Variants in DCT observed in about 807,000 individuals in gnomAD.
DCT encodes dopachrome tautomerase.
DCT carries 47 observed loss-of-function variants against 53.0 expected under a neutral mutation model. The observed-to-expected ratio is 0.89, with a 90% CI of 0.70 to 1.13. The LOEUF is 1.13. DCT is among the 50% of genes most tolerant of loss of function. The probability of loss-of-function intolerance (pLI) is 0.00; values close to 1 mark genes in which losing one functional copy is unlikely to be tolerated. For missense variants in DCT, 669 were observed against 637.4 expected, an observed-to-expected ratio of 1.05 and a Z score of -0.53; for synonymous variants, 244 against 237.0, an observed-to-expected ratio of 1.03 and a Z score of -0.27.
intron 6 of DCT, among the ~76,000 whole-genome samples, chr13:94,453,601 A>G (rs2139305030): frequency 6.6e-6 from 1 of 152,272 alleles, no homozygotes; most frequent in East Asian, 1.9e-4. Context: ...TCCCACCCAA[A>G]TCTCATCTTG....
the DCT span, among the ~76,000 whole-genome samples, chr13:94,548,183 A>G: frequency 6.6e-6 from 1 of 151,958 alleles, no homozygotes; most frequent in Non-Finnish European, 1.5e-5. Flanking sequence ...TCTAACAGAC[A>G]TAGCTTATGC....
At chr13:94,521,142 T>C in the DCT span, among the ~76,000 whole-genome samples, 1 of 152,178 alleles carries the variant, frequency 6.6e-6, no homozygotes, top group Non-Finnish European at 1.5e-5. Flanking sequence ...CTTGGCAACT[T>C]ACTAGTTGTG....
At chr13:94,461,973 C>T (rs1883820516) in intron 5 of DCT, 37 bp downstream of exon 5, 2 of 1,580,158 alleles carry the variant, frequency 1.3e-6, no homozygotes, top group Non-Finnish European at 1.7e-6. Flanking sequence ...AAAACCTGTA[C>T]TGTACAGGCA....
chr13:94,533,981 T>C, the DCT span, among the ~76,000 whole-genome samples: 1 of 152,076 alleles, frequency 6.6e-6, no homozygotes, highest in East Asian at 1.9e-4. Context: ...ACACTTTGAG[T>C]GTAGGTTGAC....
the DCT span, among the ~76,000 whole-genome samples, chr13:94,529,719 C>T: frequency 6.6e-6 from 1 of 152,254 alleles, no homozygotes; most frequent in African/African-American, 2.4e-5. Flanking sequence ...CCTAACATCA[C>T]AATTAAAAGA....
the DCT span, among the ~76,000 whole-genome samples, chr13:94,523,552 A>G: frequency 1.3e-5 from 2 of 152,216 alleles, no homozygotes; most frequent in South Asian, 4.2e-4. Flanking sequence ...GGATTAGTCA[A>G]TCTCTTTCTT....
chr13:94,514,299 G>A, the DCT span, among the ~76,000 whole-genome samples: 1 of 137,376 alleles, frequency 7.3e-6, no homozygotes, highest in Non-Finnish European at 1.6e-5. Context: ...AAGGGGAGGT[G>A]GCCAAACCAC....
chr13:94,465,360 G>A (rs551548262), intron 4 of DCT: 6 of 228,500 alleles, frequency 2.6e-5, no homozygotes, highest in African/African-American at 6.8e-5. Context: ...GGCAAAAACC[G>A]CAATTACATT....
At chr13:94,498,330 C>G in the DCT span, among the ~76,000 whole-genome samples, 2 of 152,206 alleles carry the variant, frequency 1.3e-5, no homozygotes, top group African/African-American at 4.8e-5. Context: ...AGCAGAAAAT[C>G]TTTAGGAGCT....
upstream of DCT, among the ~76,000 whole-genome samples, chr13:94,481,958 G>A (rs1010316000): frequency 6.6e-6 from 1 of 152,210 alleles, no homozygotes; most frequent in Non-Finnish European, 1.5e-5. Context: ...GCTACTCAAA[G>A]TGTGGCCAAC....
intron 1 of DCT, among the ~76,000 whole-genome samples, chr13:94,474,317 C>T (rs1884940395): frequency 6.6e-6 from 1 of 152,158 alleles, no homozygotes; most frequent in African/African-American, 2.4e-5. Context: ...ATCAGCTCAA[C>T]CTCAGAAAGC....
the DCT span, among the ~76,000 whole-genome samples, chr13:94,531,328 G>T: frequency 3.5e-4 from 54 of 152,276 alleles, no homozygotes; most frequent in African/African-American, 1.3e-3. Context: ...AGCCCACAAT[G>T]CCAAGACAAT....
At chr13:94,507,909 C>T in the DCT span, among the ~76,000 whole-genome samples, 1 of 152,190 alleles carries the variant, frequency 6.6e-6, no homozygotes, top group Non-Finnish European at 1.5e-5. Context: ...CTCTATCCTT[C>T]ACTTCATTCA....
the DCT span, among the ~76,000 whole-genome samples, chr13:94,527,276 T>A: frequency 6.6e-6 from 1 of 152,198 alleles, no homozygotes; most frequent in Non-Finnish European, 1.5e-5. Context: ...AAGAGAGCAG[T>A]GGTTCTCTCA....
At chr13:94,471,675 ACT>A (rs1400376331) in intron 1 of DCT, among the ~76,000 whole-genome samples, 1 of 152,214 alleles carries the variant, frequency 6.6e-6, no homozygotes, top group African/African-American at 2.4e-5. Context: ...GGAATGGAAC[ACT>A]GTTTTGAGAA....
intron 7 of DCT, among the ~76,000 whole-genome samples, chr13:94,442,198 G>A (rs931670410): frequency 6.6e-6 from 1 of 152,232 alleles, no homozygotes; most frequent in Admixed American, 6.5e-5. Flanking sequence ...AAGAGAGAGA[G>A]ACTGAGCTCT....
At chr13:94,452,983 CA>C (rs1883193357) in intron 6 of DCT, among the ~76,000 whole-genome samples, 1 of 152,010 alleles carries the variant, frequency 6.6e-6, no homozygotes, top group Admixed American at 6.6e-5. Flanking sequence ...TCATTTTATA[CA>C]TTTTATATTT....
the DCT span, among the ~76,000 whole-genome samples, chr13:94,495,522 A>G: frequency 6.6e-6 from 1 of 152,358 alleles, no homozygotes; most frequent in Admixed American, 6.5e-5. Context: ...CAAAACTTCA[A>G]ATAAAAAATG....
chr13:94,440,982 A>T (rs1352340893), intron 7 of DCT, among the ~76,000 whole-genome samples: 2 of 152,082 alleles, frequency 1.3e-5, no homozygotes, highest in East Asian at 3.8e-4. Flanking sequence ...CACCTGGCCG[A>T]ATTTCATTTT....
Sources: allele counts gnomAD v4.1 joint callset (sites outside exome capture counted in the v4.1 genomes callset), GRCh38; gene constraint gnomAD v4.1.1; transcripts MANE v1.5; gene names NCBI Gene and HGNC (gene_info 2026-07-23, HGNC 2026-07-21).